PRPF31: variants seen among roughly 807,000 people sequenced by gnomAD.
PRPF31 encodes the protein pre-mRNA processing factor 31.
PRPF31 carries 12 observed loss-of-function variants against 60.4 expected under a neutral mutation model. The observed-to-expected ratio is 0.20, with a 90% CI of 0.13 to 0.32. The LOEUF is 0.32. Among genes scored for constraint, PRPF31 ranks in the 10% least tolerant of loss-of-function variants. PRPF31 has a pLI of 1.00. For synonymous variants in PRPF31, 287 were observed against 287.9 expected (o/e 1.00, Z 0.03); for missense variants, 431 against 687.1 (o/e 0.63, Z 4.17).
Position 54,117,634 on chromosome 19 carries a change from G to A in PRPF31, c.-8-637G>A, listed in dbSNP as rs2073681980. Among the ~76,000 whole-genome samples, 3 of 150,116 alleles carry A rather than the reference G, an allele frequency of 2.0e-5. No individual in the cohort carries two copies. In the South Asian group the frequency reaches 6.3e-4, roughly 31 times the overall value. Reference sequence around the variant, plus strand: ...GGCCAAGGTGGGTCGCTCACTTGAGGTCAAGAGTTCAAGACCAGCCTGGCT... The same window carrying A: ...GGCCAAGGTGGGTCGCTCACTTGAGATCAAGAGTTCAAGACCAGCCTGGCT... On this transcript the variant is annotated intron_variant, in intron 1 of 13. Transcript: ENST00000321030.
chr19:54,121,046 C>G (rs7248976), intron 3 of PRPF31, among the ~76,000 whole-genome samples: 62,606 of 152,018 alleles, frequency 0.41, 13,512 homozygotes, highest in Non-Finnish European at 0.49. Flanking sequence ...CATCCCAGCA[C>G]TTTGGGTGGT....
chr19:54,131,506 G>A lies in PRPF31; in HGVS notation c.*74G>A, dbSNP rs944951741. 12 of 1,573,606 alleles carry A rather than the reference G, an allele frequency of 7.6e-6. No homozygotes were observed. In the East Asian group the frequency reaches 1.9e-4, roughly 25 times the overall value. On this transcript the variant is annotated 3_prime_UTR_variant, in exon 14 of 14. Transcript: ENST00000321030. ...CCAGTCCTTCTGAAGGGCTAGGATC[G>A]GGTTCTGGCAGGGAGAACCTGCCCT...
At chr19:54,123,327 C>A in intron 5 of PRPF31, 127 bp from the exon 6 acceptor site, 1 of 776,614 alleles carries the variant, frequency 1.3e-6, no homozygotes, top group Non-Finnish European at 2.3e-6. Context: ...GCAGGAGAGG[C>A]CCCCAGTGCA....
At chr19:54,120,614 G>A (rs2073762159) in intron 3 of PRPF31, among the ~76,000 whole-genome samples, 2 of 152,020 alleles carry the variant, frequency 1.3e-5, no homozygotes, top group African/African-American at 4.8e-5. Context: ...ACATCTTTTT[G>A]TTTGTTTGTT....
At chr19:54,126,379 C>A in intron 8 of PRPF31, 149 bp from the exon 9 acceptor site, 1 of 723,876 alleles carries the variant, frequency 1.4e-6, no homozygotes, top group Non-Finnish European at 2.5e-6. Context: ...GAAGTAGGAG[C>A]TGAGAGCACA....
chr19:54,129,221 G>A (rs1310796185), intron 12 of PRPF31, 36 bp downstream of exon 12: 1 of 1,599,892 alleles, frequency 6.3e-7, no homozygotes, highest in Non-Finnish European at 8.5e-7. Context: ...GGGGACCGAG[G>A]GACACAAGGT....
At chr19:54,123,210 C>A in intron 5 of PRPF31, 1 of 595,972 alleles carries the variant, frequency 1.7e-6, no homozygotes, top group Non-Finnish European at 3.0e-6. Flanking sequence ...TCTTTCCAGA[C>A]GCCACTCTGC....
intron 9 of PRPF31, among the ~76,000 whole-genome samples, chr19:54,126,853 G>A (rs1423898879): frequency 3.9e-5 from 6 of 152,202 alleles, no homozygotes; most frequent in African/African-American, 1.4e-4. Context: ...AGGTGTGGCC[G>A]GGTGCAGTAG....
intron 13 of PRPF31, among the ~76,000 whole-genome samples, chr19:54,130,552 G>A (rs1306819248): frequency 6.6e-6 from 1 of 151,974 alleles, no homozygotes; most frequent in Non-Finnish European, 1.5e-5. Flanking sequence ...GTGAACCCGG[G>A]AGGCGGAGCT....
chr19:54,129,458 G>A, intron 13 of PRPF31, 88 bp downstream of exon 13: 1 of 1,441,488 alleles, frequency 6.9e-7, no homozygotes. Context: ...GCCAGGATGA[G>A]TCTCCTCATG....
chr19:54,124,406 C>G, intron 7 of PRPF31, 93 bp from the exon 8 acceptor site: 2 of 1,158,974 alleles, frequency 1.7e-6, no homozygotes, highest in Non-Finnish European at 2.6e-6. Flanking sequence ...GTAAAGGTGC[C>G]CAGCACACGT....
chr19:54,119,822 TTGA>T (rs1324620808), intron 3 of PRPF31: 2 of 152,194 alleles, frequency 1.3e-5, no homozygotes, highest in Non-Finnish European at 2.9e-5. Flanking sequence ...ATGGAATTTG[TTGA>T]TGACAGGAAG....
chr19:54,123,374 C>G, intron 5 of PRPF31, 80 bp from the exon 6 acceptor site: 2 of 1,062,928 alleles, frequency 1.9e-6, no homozygotes, highest in Non-Finnish European at 3.0e-6. Flanking sequence ...AAGAAGAGAC[C>G]TGAGGAGGTG....
Position 54,131,440 on chromosome 19 carries a change from C to A in PRPF31, c.*8C>A. The A allele has an allele frequency of 1.2e-6, 2 of 1,614,002 alleles. No individual in the cohort carries two copies. The highest frequency in any genetic ancestry group is 1.1e-5 in the South Asian group (1 of 91,074). On this transcript the variant is annotated 3_prime_UTR_variant, in exon 14 of 14. Transcript: ENST00000321030. ...GGCCTTATGTCCACCTGAATGACTG[C>A]GTGTGTCCAAGGTGGCTTCCCACTG...
chr19:54,116,993 G>A (rs1250564994), intron 1 of PRPF31, among the ~76,000 whole-genome samples: 1 of 152,202 alleles, frequency 6.6e-6, no homozygotes, highest in African/African-American at 2.4e-5. Flanking sequence ...CTATCGGGAG[G>A]CTGAGGCGGG....
At chr19:54,130,542 G>C (rs1397350192) in intron 13 of PRPF31, among the ~76,000 whole-genome samples, 2 of 152,034 alleles carry the variant, frequency 1.3e-5, no homozygotes, top group South Asian at 4.2e-4. Flanking sequence ...GGAGAATGGC[G>C]TGAACCCGGG....
chr19:54,130,991 G>A (rs587618573), intron 13 of PRPF31, among the ~76,000 whole-genome samples: 11 of 152,258 alleles, frequency 7.2e-5, no homozygotes, highest in African/African-American at 2.6e-4. Flanking sequence ...CTAGGACCTC[G>A]GGCCAGCCAT....
In PRPF31 at chr19:54,129,310, G is replaced by A; in HGVS notation, c.1314G>A (p.Lys438=). Reference sequence around the variant, plus strand: ...AGCAGAGCGTCGTATATGGCGGGAAGTCCACCATCCGCGACCGCTCCTCGG... The same window carrying A: ...AGCAGAGCGTCGTATATGGCGGGAAATCCACCATCCGCGACCGCTCCTCGG... ...LQKQSVVYGG[K]STIRDRSSGT... The change falls in exon 13 of 14, where the codon AAG becomes AAA. Residue 438 remains lysine (K), a synonymous_variant. Coordinates refer to ENST00000321030, the MANE Select transcript of PRPF31 (RefSeq NM_015629.4). The A allele has an allele frequency of 6.2e-7, 1 of 1,609,148 alleles. No individual in the cohort carries two copies. The highest frequency in any genetic ancestry group is 8.5e-7 in the Non-Finnish European group (1 of 1,178,544).
rs2074050640 is a variant in PRPF31 at position 54,131,644 on chromosome 19, A to T, written c.*212A>T. 3 of 652,414 alleles carry T rather than the reference A, an allele frequency of 4.6e-6. No individual in the cohort carries two copies. The South Asian group carries it at 5.5e-5, about 12-fold the overall frequency. The allele number at this position is 652,414 out of a possible 1,614,324, so 40.4% of individuals were successfully genotyped here. ...GTATGGGCTAGAGCAGGTCTTCATC[A>T]TGCCTTGTCTTTTTTAACTGAGAAA... On this transcript the variant is annotated 3_prime_UTR_variant, in exon 14 of 14. Transcript: ENST00000321030.
Sources: allele counts gnomAD v4.1 joint callset (sites outside exome capture counted in the v4.1 genomes callset), GRCh38; gene constraint gnomAD v4.1.1; transcripts MANE v1.5; gene names NCBI Gene and HGNC (gene_info 2026-07-23, HGNC 2026-07-21).